Variants in ELSPBP1 observed in about 807,000 individuals in gnomAD.
ELSPBP1 encodes the protein epididymal sperm-binding protein 1.
ELSPBP1 carries 38 observed loss-of-function variants against 33.3 expected under a neutral mutation model. The observed-to-expected ratio is 1.14, with a 90% confidence interval of 0.88 to 1.50. The LOEUF (loss-of-function observed/expected upper bound fraction) is 1.50. ELSPBP1 is among the 40% of genes most tolerant of loss of function. The probability of loss-of-function intolerance (pLI) is 0.00; values close to 1 mark genes in which losing one functional copy is unlikely to be tolerated. For missense variants in ELSPBP1, 267 were observed against 263.5 expected, an observed-to-expected ratio of 1.01 and a Z score of -0.09; for synonymous variants, 85 against 94.1, an observed-to-expected ratio of 0.90 and a Z score of 0.56.
intron 6 of ELSPBP1, 56 bp downstream of exon 6, chr19:48,022,390 A>G (rs1967211468): frequency 6.8e-7 from 1 of 1,468,456 alleles, no homozygotes; most frequent in African/African-American, 1.4e-5. Flanking sequence ...AGACAGGTGC[A>G]CAACTGGTGT....
chr19:48,014,323 A>G lies in ELSPBP1; in HGVS notation c.208+15A>G. 1.9e-6 allele frequency: 3 copies of G among 1,611,994 alleles called. No homozygotes were observed. Among genetic ancestry groups the G allele is most frequent in the Non-Finnish European group, 1.7e-6 (2 of 1,179,408 alleles). ...CCAGAGTGAAGGTGAGTGGTATCACATTGTCCCTGCCAGTGGCCTTTGAAT... is the reference window on the plus strand; with the variant it reads ...CCAGAGTGAAGGTGAGTGGTATCACGTTGTCCCTGCCAGTGGCCTTTGAAT... On this transcript the variant is annotated intron_variant, in intron 3 of 6. Coordinates refer to ENST00000339841, the MANE Select transcript of ELSPBP1 (RefSeq NM_022142.5).
At chr19:48,006,404 A>G (rs543156940) in intron 1 of ELSPBP1, among the ~76,000 whole-genome samples, 6 of 152,172 alleles carry the variant, frequency 3.9e-5, no homozygotes, top group Admixed American at 2.0e-4. Context: ...ATTTGAGGTC[A>G]GGAGTTCAAG....
chr19:48,015,828 T>G, intron 3 of ELSPBP1, 65 bp from the exon 4 acceptor site: 2 of 1,469,388 alleles, frequency 1.4e-6, no homozygotes, highest in Non-Finnish European at 1.9e-6. Flanking sequence ...GATTGATGAT[T>G]AAATGACTCT....
At chr19:47,999,388 T>TTTTC (rs1555733869) in intron 1 of ELSPBP1, among the ~76,000 whole-genome samples, 522 of 17,966 alleles carry the variant, frequency 0.029, 2 homozygotes, top group African/African-American at 0.12. Context: ...GCCTCATTTC[T>TTTTC]TTTTTTTTTT....
chr19:48,013,613 A>AG (rs1486056456), intron 2 of ELSPBP1, among the ~76,000 whole-genome samples: 1 of 152,054 alleles, frequency 6.6e-6, no homozygotes, highest in Admixed American at 6.6e-5. Flanking sequence ...GCTACTTTAG[A>AG]GGCTGAGGCA....
intron 1 of ELSPBP1, among the ~76,000 whole-genome samples, chr19:48,001,308 T>A (rs958039015): frequency 6.7e-6 from 1 of 149,092 alleles, no homozygotes. Context: ...GTAGCTGGGA[T>A]TACAGCTGAG....
Position 48,014,412 on chromosome 19 carries a change from G to A in ELSPBP1, c.208+104G>A, listed in dbSNP as rs763415683. 1.0e-3 allele frequency: 1,333 copies of A among 1,333,762 alleles called. 2 individuals are homozygous for A. The highest frequency in any genetic ancestry group is 1.2e-3 in the Non-Finnish European group (1,202 of 981,944). The allele number at this position is 1,333,762 out of a possible 1,614,324, so 82.6% of individuals were successfully genotyped here. A position where few individuals can be genotyped will look rare whatever the true frequency, so the allele number is the denominator to read the frequency against. ...CATGATCACATTTTTGCAGACAAAC[G>A]GTAATACGTATGCGTGCGTAGAAAA... On this transcript the variant is annotated intron_variant, in intron 3 of 6. Coordinates refer to ENST00000339841, the MANE Select transcript of ELSPBP1 (RefSeq NM_022142.5).
chr19:48,008,048 C>A (rs78617541), intron 1 of ELSPBP1, among the ~76,000 whole-genome samples: 20,648 of 152,000 alleles, frequency 0.14, 1,540 homozygotes, highest in South Asian at 0.2. Context: ...TAGGCAATGT[C>A]GTCCTTGTGT....
rs1600106860 is a variant in ELSPBP1, at chr19:48,011,504, G to A, written c.71-2667G>A. On this transcript the variant is annotated intron_variant, in intron 2 of 6. Coordinates refer to ENST00000339841, the MANE Select transcript of ELSPBP1 (RefSeq NM_022142.5). This position sits in a 1 kb window ranked among gnomAD's most constrained non-coding sequence, Gnocchi z 4.5. ...GATGATAATGACAATGACTGATAATGATGATGACAATGATGATGACAATGA... is the reference window on the plus strand; with the variant it reads ...GATGATAATGACAATGACTGATAATAATGATGACAATGATGATGACAATGA... 6.6e-6 allele frequency among the ~76,000 whole-genome samples: 1 copy of A among 151,540 alleles called. No individual in the cohort carries two copies. Among genetic ancestry groups the A allele is most frequent in the Non-Finnish European group, 1.5e-5 (1 of 67,930 alleles).
intron 1 of ELSPBP1, among the ~76,000 whole-genome samples, chr19:47,999,907 C>T (rs1054954290): frequency 2.0e-5 from 3 of 151,562 alleles, no homozygotes; most frequent in African/African-American, 7.3e-5. Flanking sequence ...ACTGCAGCCT[C>T]AATATCCTGG....
rs1180246512 is a variant in ELSPBP1, at chr19:48,016,511, TCTTTCTTTCTTTCTTTCTTCCTTC to T, written c.355+476_355+499del. 4.5e-3 allele frequency among the ~76,000 whole-genome samples: 397 copies of T among 88,672 alleles called. 2 individuals carry two copies. Among genetic ancestry groups the T allele is most frequent in the Middle Eastern group, 0.013 (2 of 158 alleles). The allele number at this position is 88,672 out of a possible 152,430, so 58.2% of individuals were successfully genotyped here. A position where few individuals can be genotyped will look rare whatever the true frequency, so the allele number is the denominator to read the frequency against. ...TTCTTTCTTTCTTTCTTTCTTTCTT[TCTTTCTTTCTTTCTTTCTTCCTTC>T]CTTCCTTCCTTCCTTCCTTCCTTCC... is the stretch of plus-strand genomic sequence containing the variant. On this transcript the variant is annotated intron_variant, in intron 4 of 6. Transcript: ENST00000339841.
At chr19:48,023,896 G>A (rs1245492631) in intron 6 of ELSPBP1, among the ~76,000 whole-genome samples, 1 of 149,168 alleles carries the variant, frequency 6.7e-6, no homozygotes, top group African/African-American at 2.5e-5. Context: ...TTTGAGACGG[G>A]GTCTCACTCT....
rs1967126031 is a variant in ELSPBP1, at chr19:48,015,900, A to G, written c.216A>G (p.Pro72=). 6 of 1,609,292 alleles carry G rather than the reference A, an allele frequency of 3.7e-6. No individual in the cohort carries two copies. Among genetic ancestry groups the G allele is most frequent in the Non-Finnish European group, 5.1e-6 (6 of 1,176,202 alleles). The change falls in exon 4 of 7, where the codon CCA becomes CCG. Residue 72 remains proline, a synonymous_variant. Coordinates refer to ENST00000339841, the MANE Select transcript of ELSPBP1 (RefSeq NM_022142.5). Reference sequence around the variant, plus strand: ...GAACTCTGTTCCTAACAGATTACCCACGCTGTATCTTCCCTTTCATCTATC... The same window carrying G: ...GAACTCTGTTCCTAACAGATTACCCGCGCTGTATCTTCCCTTTCATCTATC... The part of the protein sequence containing the change: ...QWKYCQSEDY[P]RCIFPFIYRG...
At chr19:48,001,610 ATAG>A (rs1966968820) in intron 1 of ELSPBP1, among the ~76,000 whole-genome samples, 1 of 150,924 alleles carries the variant, frequency 6.6e-6, no homozygotes. Flanking sequence ...AGGCTGGATC[ATAG>A]CTCACTGCAG....
intron 1 of ELSPBP1, among the ~76,000 whole-genome samples, chr19:48,005,553 C>T (rs929501929): frequency 6.6e-6 from 1 of 152,018 alleles, no homozygotes; most frequent in Non-Finnish European, 1.5e-5. Flanking sequence ...TCTCAACAGC[C>T]AAAGCTTGGA....
intron 4 of ELSPBP1, among the ~76,000 whole-genome samples, chr19:48,017,371 CAAAACTTAACCTT>C (rs1967153393): frequency 6.6e-6 from 1 of 152,182 alleles, no homozygotes; most frequent in South Asian, 2.1e-4. Context: ...TTACTATAAA[CAAAACTTAACCTT>C]AAATCTCACT....
At chr19:48,006,640 A>AGAAAAG (rs1400127230) in intron 1 of ELSPBP1, among the ~76,000 whole-genome samples, 1 of 145,070 alleles carries the variant, frequency 6.9e-6, no homozygotes, top group Non-Finnish European at 1.5e-5. Context: ...AAAAAAAAAA[A>AGAAAAG]AAAAAAAGAA....
At chr19:48,021,605 A>G (rs527929874) in intron 5 of ELSPBP1, among the ~76,000 whole-genome samples, 327 of 151,232 alleles carry the variant, frequency 2.2e-3, no homozygotes, top group African/African-American at 6.1e-3. Context: ...ACACCTAGCT[A>G]ATTTTTGTAT....
chr19:48,000,924 C>T (rs62131800), intron 1 of ELSPBP1, among the ~76,000 whole-genome samples: 24,970 of 152,250 alleles, frequency 0.16, 2,247 homozygotes, highest in Non-Finnish European at 0.2. Context: ...TAACAAATCC[C>T]CACACACCTA....
Sources: allele counts gnomAD v4.1 joint callset (sites outside exome capture counted in the v4.1 genomes callset), GRCh38; gene constraint gnomAD v4.1.1; non-coding constraint Gnocchi (gnomAD v3.1); transcripts MANE v1.5; gene names NCBI Gene and HGNC (gene_info 2026-07-23, HGNC 2026-07-21).